MGMT: variants seen among roughly 807,000 people sequenced by gnomAD.
The protein encoded by MGMT is methylated-DNA--protein-cysteine methyltransferase.
MGMT carries 14 observed loss-of-function variants against 15.9 expected under a neutral mutation model. That is an observed-to-expected ratio of 0.88 (90% CI 0.58 to 1.37). The LOEUF (loss-of-function observed/expected upper bound fraction) is 1.37, where lower values mean the gene tolerates loss of function less well. MGMT is among the 40% of genes most tolerant of loss of function. The pLI is 0.00. For synonymous variants in MGMT, 130 were observed against 118.2 expected (o/e 1.10, Z -0.65); for missense variants, 282 against 268.1 (o/e 1.05, Z -0.36).
At chr10:129,707,067 G>C (rs1848172251) in intron 2 of MGMT, among the ~76,000 whole-genome samples, 1 of 152,238 alleles carries the variant, frequency 6.6e-6, no homozygotes, top group African/African-American at 2.4e-5. Context: ...TTCGAGACCA[G>C]CCTGGCCAAC....
chr10:129,608,269 C>G (rs1202015081), intron 2 of MGMT, among the ~76,000 whole-genome samples: 1 of 152,198 alleles, frequency 6.6e-6, no homozygotes. Context: ...TAGCCCGGAG[C>G]AGAGTGTGGA....
At chr10:129,467,452 A>G (rs2119603449) in intron 1 of MGMT, 156 bp downstream of exon 1, 3 of 983,448 alleles carry the variant, frequency 3.1e-6, no homozygotes, top group Middle Eastern at 5.2e-4. Context: ...GTGCGCCCCA[A>G]GTGCCTCCCA....
chr10:129,588,755 T>G (rs1344793189), intron 2 of MGMT, among the ~76,000 whole-genome samples: 2 of 152,256 alleles, frequency 1.3e-5, no homozygotes, highest in Non-Finnish European at 2.9e-5. Flanking sequence ...ACAGGGTGCC[T>G]GCAGCATTTG....
At position 129,751,657 on chromosome 10, in the gene MGMT, C is replaced by T. The variant is rs573632592; in HGVS notation, c.275-7545C>T. Among the ~76,000 whole-genome samples, 7 of 151,724 alleles carry T rather than the reference C, an allele frequency of 4.6e-5. No homozygotes were observed. In the South Asian group the frequency reaches 1.5e-3, roughly 32 times the overall value. On this transcript the variant is annotated intron_variant, in intron 3 of 4. Transcript: ENST00000651593. Reference sequence around the variant, plus strand: ...ATAGACACTTAATACTATAAATTTTCCTCTAAATATTGTTTTAGCTTTGTC... The same window carrying T: ...ATAGACACTTAATACTATAAATTTTTCTCTAAATATTGTTTTAGCTTTGTC...
chr10:129,765,531 G>A (rs1014437905), intron 4 of MGMT, among the ~76,000 whole-genome samples: 7 of 152,196 alleles, frequency 4.6e-5, no homozygotes, highest in African/African-American at 7.2e-5. Flanking sequence ...CAAGATTTTA[G>A]CTTTATTAGG....
chr10:129,609,418 G>C (rs1846933029), intron 2 of MGMT, among the ~76,000 whole-genome samples: 1 of 151,828 alleles, frequency 6.6e-6, no homozygotes, highest in African/African-American at 2.4e-5. Context: ...GGAGCCCCTG[G>C]AGGCTGGATG....
chr10:129,530,249 G>A (rs180894244), intron 1 of MGMT, among the ~76,000 whole-genome samples: 44 of 152,152 alleles, frequency 2.9e-4, no homozygotes, highest in Non-Finnish European at 5.1e-4. Flanking sequence ...AAGTTGACTC[G>A]TACTAACTGT....
intron 2 of MGMT, among the ~76,000 whole-genome samples, chr10:129,656,121 G>T (rs765787887): frequency 1.3e-5 from 2 of 152,202 alleles, no homozygotes; most frequent in Admixed American, 6.5e-5. Flanking sequence ...CCAAGGAGAG[G>T]TGAGGTAGTT....
chr10:129,574,511 C>G (rs76148637), intron 2 of MGMT, among the ~76,000 whole-genome samples: 1 of 152,166 alleles, frequency 6.6e-6, no homozygotes, highest in African/African-American at 2.4e-5. Context: ...AATGTTTTTA[C>G]TATCTTTAAA....
rs751046698 is a variant in MGMT, at chr10:129,467,544, G to A, written c.-13+248G>A. 1,314 of 632,468 alleles carry A rather than the reference G, an allele frequency of 2.1e-3. 3 individuals carry two copies. The highest frequency in any genetic ancestry group is 5.2e-3 in the Admixed American group (82 of 15,838). The allele number at this position is 632,468 out of a possible 1,614,324, so 39.2% of individuals were successfully genotyped here. ...GACTGTGGACTGGCGTGTGGCGGGG[G>A]TCGTGGCAGCCCCTGCCTTACCTCT... On this transcript the variant is annotated intron_variant, in intron 1 of 4. Transcript: ENST00000651593.
chr10:129,595,013 C>T (rs761882285), intron 2 of MGMT, among the ~76,000 whole-genome samples: 1 of 152,218 alleles, frequency 6.6e-6, no homozygotes, highest in Non-Finnish European at 1.5e-5. Context: ...ACGGTTCACC[C>T]CTGCCGTCTC....
intron 3 of MGMT, among the ~76,000 whole-genome samples, chr10:129,730,272 T>C (rs1328312617): frequency 6.6e-6 from 1 of 152,100 alleles, no homozygotes; most frequent in Non-Finnish European, 1.5e-5. Context: ...AACCAACAAA[T>C]GGAAGACGTG....
chr10:129,478,728 G>A (rs183980891), intron 1 of MGMT, among the ~76,000 whole-genome samples: 1 of 152,230 alleles, frequency 6.6e-6, no homozygotes, highest in Admixed American at 6.5e-5. Context: ...CTGGCATCTG[G>A]CTTTGGGGGG....
intron 2 of MGMT, among the ~76,000 whole-genome samples, chr10:129,639,300 G>A (rs979149117): frequency 2.6e-5 from 4 of 152,240 alleles, no homozygotes; most frequent in Non-Finnish European, 4.4e-5. Flanking sequence ...GTTACATAGC[G>A]ATAAAGTATT....
chr10:129,753,143 A>G (rs972428578), intron 3 of MGMT, among the ~76,000 whole-genome samples: 2 of 152,150 alleles, frequency 1.3e-5, no homozygotes, highest in Non-Finnish European at 2.9e-5. Context: ...CAGCACTTCA[A>G]AAGTGCTGTT....
At chr10:129,757,188 A>G (rs1848817057) in intron 3 of MGMT, among the ~76,000 whole-genome samples, 1 of 152,232 alleles carries the variant, frequency 6.6e-6, no homozygotes, top group Non-Finnish European at 1.5e-5. Context: ...AGAAACTGAC[A>G]ATGAAGCTGA....
chr10:129,737,683 T>A (rs1564779718), intron 3 of MGMT, among the ~76,000 whole-genome samples: 2 of 152,198 alleles, frequency 1.3e-5, no homozygotes, highest in Non-Finnish European at 2.9e-5. Context: ...ATCTTTGTGG[T>A]TTTATCTACC....
In MGMT at chr10:129,721,472, C is replaced by T. The variant is rs148403064; in HGVS notation, c.274+13429C>T. On this transcript the variant is annotated intron_variant, in intron 3 of 4. Coordinates refer to ENST00000651593, the MANE Select transcript of MGMT (RefSeq NM_002412.5). ...TTGAACAAATTTCAGATAAGTGAAC[C>T]TCACTAGAACTAGAAAATATGTGGA... is the stretch of plus-strand genomic sequence containing the variant. 5.3e-4 allele frequency among the ~76,000 whole-genome samples: 81 copies of T among 152,296 alleles called. 1 individual carries two copies. The East Asian group carries it at 0.014, about 27-fold the overall frequency.
intron 2 of MGMT, among the ~76,000 whole-genome samples, chr10:129,662,725 A>G (rs1847612989): frequency 6.6e-6 from 1 of 152,070 alleles, no homozygotes. Context: ...GGGCAAAGGG[A>G]TGGGCGGTGA....
Sources: gnomAD v4.1 joint callset for allele counts (sites outside exome capture counted in the v4.1 genomes callset) on GRCh38, gnomAD v4.1.1 for gene constraint, MANE v1.5 for transcripts, NCBI Gene and HGNC (gene_info 2026-07-23, HGNC 2026-07-21) for gene names.